SLC6A13: variants seen among roughly 807,000 people sequenced by gnomAD.
SLC6A13 encodes the protein sodium- and chloride-dependent GABA transporter 2.
A neutral mutation model predicts 72.9 loss-of-function variants in SLC6A13; 69 were observed. That is an observed-to-expected ratio of 0.95 (90% confidence interval 0.78 to 1.16). SLC6A13 has a LOEUF of 1.16. SLC6A13 is among the 50% of genes most tolerant of loss of function. The pLI is 0.00. For missense variants in SLC6A13, 735 were observed against 760.5 expected (o/e 0.97, Z 0.39); for synonymous variants, 303 against 303.0 (o/e 1.00, Z 0.00).
chr12:237,936 C>T lies in SLC6A13; in HGVS notation c.553G>A (p.Glu185Lys), dbSNP rs138506621. 2.8e-4 allele frequency: 445 copies of T among 1,613,334 alleles called. No homozygotes were observed. Among genetic ancestry groups the T allele is most frequent in the Non-Finnish European group, 3.5e-4 (413 of 1,179,456 alleles). The stretch of plus-strand genomic sequence containing the variant: ...AAGGGTCTCACTTACTCCCAGAACT[C>T]GATGACAGGAGAGGTGGCATTCTCA... The part of the protein sequence containing the change: ...TSENATSPVI[E>K]FWERRVLKIS... The change falls in exon 5 of 15, where the codon GAG becomes AAG. Residue 185 changes from glutamate to lysine, a missense_variant. Coordinates refer to ENST00000343164, the MANE Select transcript of SLC6A13 (RefSeq NM_016615.5).
At chr12:241,537 TG>T (rs1942168219) in intron 4 of SLC6A13, among the ~76,000 whole-genome samples, 1 of 152,240 alleles carries the variant, frequency 6.6e-6, no homozygotes, top group Non-Finnish European at 1.5e-5. Context: ...GTTAAAGTTC[TG>T]TTCCTCAGAC....
At chr12:262,360 A>G (rs1468698716) in intron 1 of SLC6A13, among the ~76,000 whole-genome samples, 2 of 152,218 alleles carry the variant, frequency 1.3e-5, no homozygotes, top group East Asian at 1.9e-4. Flanking sequence ...CATCTGTAAA[A>G]GTGGGGATGA....
chr12:239,184 G>A (rs11611619), intron 4 of SLC6A13, among the ~76,000 whole-genome samples: 2 of 106,708 alleles, frequency 1.9e-5, no homozygotes, highest in African/African-American at 4.0e-5. Flanking sequence ...CTTCAGCCAC[G>A]TGCTCTACCA....
intron 2 of SLC6A13, among the ~76,000 whole-genome samples, chr12:246,446 T>C (rs141230171): frequency 6.6e-5 from 10 of 152,332 alleles, no homozygotes; most frequent in Admixed American, 5.2e-4. Flanking sequence ...GCAAGGAGAT[T>C]GAACCTGACC....
At chr12:235,648 A>C (rs1434559326) in intron 6 of SLC6A13, among the ~76,000 whole-genome samples, 1 of 152,174 alleles carries the variant, frequency 6.6e-6, no homozygotes, top group Non-Finnish European at 1.5e-5. Context: ...TGCACCTTGA[A>C]AAAGAACAGA....
Position 224,557 on chromosome 12 carries a change from C to G in SLC6A13, c.1061-44G>C, listed in dbSNP as rs376264876. The G allele has an allele frequency of 1.2e-5, 19 of 1,531,538 alleles. No homozygotes were observed. The African/African-American group carries it at 2.6e-4, about 21-fold the overall frequency. The allele number at this position is 1,531,538 out of a possible 1,614,324, so 94.9% of individuals were successfully genotyped here. ...GAACACGGGCCAGTGCCCGGGCCAG[C>G]TCCAGGCTGTGGGTGACCCATGGCT... is the stretch of plus-strand genomic sequence containing the variant. On this transcript the variant is annotated intron_variant, in intron 9 of 14. Coordinates refer to ENST00000343164, the MANE Select transcript of SLC6A13 (RefSeq NM_016615.5).
intron 2 of SLC6A13, among the ~76,000 whole-genome samples, chr12:255,292 G>A (rs751934750): frequency 8.5e-5 from 13 of 152,084 alleles, no homozygotes; most frequent in Non-Finnish European, 1.8e-4. Flanking sequence ...TATGAGAGGT[G>A]GAGGAAATTA....
intron 7 of SLC6A13, among the ~76,000 whole-genome samples, chr12:233,650 G>A (rs1309879730): frequency 6.6e-6 from 1 of 152,082 alleles, no homozygotes; most frequent in African/African-American, 2.4e-5. Context: ...TAGGAGATGA[G>A]CTCCCAAGAG....
Position 234,046 on chromosome 12 carries a change from C to A in SLC6A13, c.831+1044G>T, listed in dbSNP as rs148747221. Among the ~76,000 whole-genome samples the A allele has an allele frequency of 4.6e-5, 7 of 152,212 alleles. No individual in the cohort carries two copies. In the East Asian group the frequency reaches 1.4e-3, roughly 30 times the overall value. On this transcript the variant is annotated intron_variant, in intron 7 of 14. Transcript: ENST00000343164. ...AAACAGGTTTCAGTAAAGAAGCTGG[C>A]CAAAACCCGTCAAAACCAAGATGGC...
chr12:225,758 G>A (rs981739587), intron 9 of SLC6A13, among the ~76,000 whole-genome samples: 2 of 152,218 alleles, frequency 1.3e-5, no homozygotes, highest in African/African-American at 2.4e-5. Context: ...TGGCCCAGGC[G>A]TGCTTCTGAA....
intron 2 of SLC6A13, chr12:259,484 C>T: frequency 7.7e-7 from 1 of 1,294,672 alleles, no homozygotes; most frequent in African/African-American, 1.5e-5. Context: ...TTACAATGAC[C>T]TTGAAAGGCA....
intron 4 of SLC6A13, chr12:238,231 G>A: frequency 6.6e-7 from 1 of 1,514,392 alleles, no homozygotes; most frequent in Non-Finnish European, 8.8e-7. Flanking sequence ...TAGATGCTTG[G>A]GTATACATTC....
At position 247,951 on chromosome 12, in the gene SLC6A13, A is replaced by G. The variant is rs189230413; in HGVS notation, c.203-4138T>C. On this transcript the variant is annotated intron_variant, in intron 2 of 14. Coordinates refer to ENST00000343164, the MANE Select transcript of SLC6A13 (RefSeq NM_016615.5). ...TTAAAACAATCAGTAAAATAACACA[A>G]CAAAGTTACAGCTAATAAGCCAACA... Among the ~76,000 whole-genome samples the G allele has an allele frequency of 6.6e-5, 10 of 152,282 alleles. No homozygotes were observed. In the East Asian group the frequency reaches 1.9e-3, roughly 29 times the overall value.
intron 4 of SLC6A13, 193 bp from the exon 5 acceptor site, chr12:238,203 C>T: frequency 2.6e-6 from 4 of 1,529,252 alleles, no homozygotes; most frequent in Non-Finnish European, 3.5e-6. Flanking sequence ...CTCCCGCACA[C>T]TTGGACATGT....
rs148999956 is a variant in SLC6A13 at position 240,946 on chromosome 12, G to A, written c.478+1668C>T. 7.4e-3 allele frequency among the ~76,000 whole-genome samples: 1,134 copies of A among 152,316 alleles called. 18 individuals are homozygous for A. The highest frequency in any genetic ancestry group is 0.025 in the African/African-American group (1,027 of 41,576). On this transcript the variant is annotated intron_variant, in intron 4 of 14. Transcript: ENST00000343164. Reference sequence around the variant, plus strand: ...AGGGATGAAGAATATCATCCTAACCGTGCAAAAATGCTTTTCCGGGCAAGT... The same window carrying A: ...AGGGATGAAGAATATCATCCTAACCATGCAAAAATGCTTTTCCGGGCAAGT...
At chr12:241,170 G>T (rs1942151884) in intron 4 of SLC6A13, among the ~76,000 whole-genome samples, 1 of 152,112 alleles carries the variant, frequency 6.6e-6, no homozygotes, top group African/African-American at 2.4e-5. Context: ...CGGGCGTGTT[G>T]GCAGGCGCCT....
intron 4 of SLC6A13, among the ~76,000 whole-genome samples, chr12:241,749 T>C (rs1942175037): frequency 1.3e-5 from 2 of 152,268 alleles, no homozygotes; most frequent in African/African-American, 4.8e-5. Flanking sequence ...TAGATATTTT[T>C]GTTGTTGTTA....
Position 235,158 on chromosome 12 carries a change from AC to A in SLC6A13, c.762del (p.Leu255CysfsTer43). On this transcript the variant is annotated frameshift_variant, in exon 7 of 15. Coordinates refer to ENST00000343164, the MANE Select transcript of SLC6A13 (RefSeq NM_016615.5). LOFTEE classifies it high-confidence loss of function. Reference sequence around the variant, plus strand: ...TGAATTCCTTGGGCTGCCCCAGGCAACGTCACCCCTCGAATTAACAGGACCA... The same window carrying A: ...TGAATTCCTTGGGCTGCCCCAGGCAAGTCACCCCTCGAATTAACAGGACCA... ...MLVVLLIRGV[T>X]LPGAAQGIQF... 6.2e-7 allele frequency: 1 copy of A among 1,614,162 alleles called. No individual in the cohort carries two copies. The highest frequency in any genetic ancestry group is 1.1e-5 in the South Asian group (1 of 91,088).
intron 7 of SLC6A13, among the ~76,000 whole-genome samples, chr12:231,061 C>T (rs534180980): frequency 3.8e-4 from 58 of 152,292 alleles, no homozygotes; most frequent in African/African-American, 1.3e-3. Flanking sequence ...TTTGGATGTC[C>T]TCCTCCCATC....
Sources: gnomAD v4.1 joint callset for allele counts (sites outside exome capture counted in the v4.1 genomes callset) on GRCh38, gnomAD v4.1.1 for gene constraint, MANE v1.5 for transcripts, NCBI Gene and HGNC (gene_info 2026-07-23, HGNC 2026-07-21) for gene names.